The following XKR6 variants were observed in gnomAD, a reference collection of about 807,000 sequenced individuals.
XKR6 encodes XK related 6, also known as XK-related protein 6.
A neutral mutation model predicts 56.7 loss-of-function variants in XKR6; 22 were observed. The observed-to-expected ratio is 0.39, with a 90% confidence interval of 0.28 to 0.55. The LOEUF is 0.55. Ranked by LOEUF, XKR6 falls within the 20% of genes least tolerant of loss-of-function variation. XKR6 has a pLI of 0.66. For missense variants in XKR6, 852 were observed against 889.0 expected (o/e 0.96, Z 0.53); for synonymous variants, 524 against 387.8 (o/e 1.35, Z -4.13).
At chr8:11,086,549 A>C (rs1269368523) in intron 1 of XKR6, among the ~76,000 whole-genome samples, 1 of 152,242 alleles carries the variant, frequency 6.6e-6, no homozygotes, top group Non-Finnish European at 1.5e-5. Context: ...ACATGAAGGC[A>C]ACCCTAGACT....
intron 1 of XKR6, among the ~76,000 whole-genome samples, chr8:10,987,365 A>C (rs1563329682): frequency 6.6e-6 from 1 of 152,200 alleles, no homozygotes; most frequent in Non-Finnish European, 1.5e-5. Context: ...ACAGTTGAGA[A>C]AAATGGGAAG....
intron 2 of XKR6, among the ~76,000 whole-genome samples, chr8:10,899,761 C>T (rs953485803): frequency 3.9e-5 from 6 of 152,194 alleles, no homozygotes; most frequent in African/African-American, 1.4e-4. Context: ...CTGCACTTTA[C>T]TCCCTGCATT....
At chr8:11,194,042 T>C (rs1803730524) in intron 1 of XKR6, among the ~76,000 whole-genome samples, 1 of 152,196 alleles carries the variant, frequency 6.6e-6, no homozygotes, top group South Asian at 2.1e-4. Context: ...AATGAGAATT[T>C]GTTTAATAAG....
chr8:11,055,366 T>C (rs1394999175), intron 1 of XKR6, among the ~76,000 whole-genome samples: 1 of 152,192 alleles, frequency 6.6e-6, no homozygotes, highest in Non-Finnish European at 1.5e-5. Context: ...ACTAAAATCC[T>C]GACCCAGCAG....
intron 1 of XKR6, among the ~76,000 whole-genome samples, chr8:10,989,150 G>C (rs1383416372): frequency 1.3e-5 from 2 of 152,226 alleles, no homozygotes; most frequent in Non-Finnish European, 2.9e-5. Flanking sequence ...TATACAAGGA[G>C]CTGGGTGATG....
intron 1 of XKR6, among the ~76,000 whole-genome samples, chr8:11,165,895 G>C (rs1802046415): frequency 6.6e-6 from 1 of 151,504 alleles, no homozygotes; most frequent in Non-Finnish European, 1.5e-5. Flanking sequence ...TTCTGAAAAA[G>C]CCACGTGCAA....
At chr8:11,187,302 G>A (rs1803324123) in intron 1 of XKR6, among the ~76,000 whole-genome samples, 1 of 152,186 alleles carries the variant, frequency 6.6e-6, no homozygotes, top group South Asian at 2.1e-4. Flanking sequence ...CAAAGCATAA[G>A]AAAGGTAAGA....
At chr8:11,038,528 T>A (rs1799203968) in intron 1 of XKR6, among the ~76,000 whole-genome samples, 1 of 150,912 alleles carries the variant, frequency 6.6e-6, no homozygotes, top group South Asian at 2.1e-4. Flanking sequence ...TGTGTGTGTG[T>A]GTGTGTGTGT....
intron 1 of XKR6, among the ~76,000 whole-genome samples, chr8:11,174,127 C>A (rs1228129076): frequency 1.3e-5 from 2 of 152,222 alleles, no homozygotes; most frequent in East Asian, 3.8e-4. Flanking sequence ...TTAATCCATG[C>A]AACACACTGG....
intron 1 of XKR6, among the ~76,000 whole-genome samples, chr8:11,063,860 G>A (rs186546169): frequency 1.3e-5 from 2 of 152,232 alleles, no homozygotes; most frequent in Admixed American, 6.5e-5. Context: ...GAGGCTACTC[G>A]ACACTGGGAT....
chr8:11,048,263 T>G, intron 1 of XKR6, among the ~76,000 whole-genome samples: 1 of 152,066 alleles, frequency 6.6e-6, no homozygotes, highest in Non-Finnish European at 1.5e-5. Flanking sequence ...CCGGCCCTTG[T>G]TTCTCAACAT....
chr8:11,024,905 C>A (rs1030187369), intron 1 of XKR6, among the ~76,000 whole-genome samples: 3 of 152,232 alleles, frequency 2.0e-5, no homozygotes, highest in African/African-American at 7.2e-5. Flanking sequence ...TGAGACAGCA[C>A]CTGTGACTGG....
intron 1 of XKR6, among the ~76,000 whole-genome samples, chr8:10,966,303 G>A (rs1802220458): frequency 6.6e-6 from 1 of 152,066 alleles, no homozygotes; most frequent in African/African-American, 2.4e-5. Flanking sequence ...GGGAGCCACT[G>A]GTGTATACAG....
intron 1 of XKR6, among the ~76,000 whole-genome samples, chr8:10,969,162 C>T (rs768256205): frequency 9.9e-5 from 15 of 152,142 alleles, no homozygotes; most frequent in Non-Finnish European, 1.5e-4. Flanking sequence ...GCCTGAGAAC[C>T]GGTATTTTTT....
In XKR6 at chr8:10,898,137, C is replaced by G; in HGVS notation, c.1741G>C (p.Glu581Gln). The change falls in exon 3 of 3, where the codon GAA becomes CAA. Residue 581 changes from glutamate to glutamine, a missense_variant. By Grantham distance (29) the Glu-to-Gln change is conservative. Transcript: ENST00000416569. This position sits in a 1 kb window ranked among gnomAD's most constrained non-coding sequence, Gnocchi z 6.6. ...PTPLGRPYLP[E>Q]GPLIKIDMPR... ...ATGTCAATCTTAATGAGGGGCCCTTCTGGGAGGTAAGGACGCCCCAACGGG... is the reference window on the plus strand; with the variant it reads ...ATGTCAATCTTAATGAGGGGCCCTTGTGGGAGGTAAGGACGCCCCAACGGG... The G allele has an allele frequency of 6.2e-7, 1 of 1,614,042 alleles. No homozygotes were observed. The highest frequency in any genetic ancestry group is 1.1e-5 in the South Asian group (1 of 91,070).
intron 1 of XKR6, among the ~76,000 whole-genome samples, chr8:11,070,429 G>C (rs1425936081): frequency 2.0e-5 from 3 of 152,202 alleles, no homozygotes; most frequent in African/African-American, 2.4e-5. Flanking sequence ...TGAGGGTTTA[G>C]GACCTATTTT....
chr8:11,076,439 G>T (rs953269724), intron 1 of XKR6, among the ~76,000 whole-genome samples: 9 of 152,146 alleles, frequency 5.9e-5, no homozygotes, highest in Admixed American at 4.6e-4. Flanking sequence ...TGCCTGTTGG[G>T]TCCCAGCCTG....
chr8:10,951,441 T>C (rs1242615311), intron 1 of XKR6, among the ~76,000 whole-genome samples: 1 of 151,900 alleles, frequency 6.6e-6, no homozygotes, highest in African/African-American at 2.4e-5. Flanking sequence ...GCTGGGAAGG[T>C]GTGAGTGAAG....
intron 1 of XKR6, among the ~76,000 whole-genome samples, chr8:11,023,168 G>C (rs1386784396): frequency 1.3e-5 from 2 of 152,204 alleles, no homozygotes; most frequent in Non-Finnish European, 2.9e-5. Flanking sequence ...TGGAAAGCTG[G>C]GGAGGGCCCT....
Sources: gnomAD v4.1 joint callset for allele counts (sites outside exome capture counted in the v4.1 genomes callset) on GRCh38, gnomAD v4.1.1 for gene constraint, Gnocchi (gnomAD v3.1) non-coding constraint, MANE v1.5 for transcripts, NCBI Gene and HGNC (gene_info 2026-07-23, HGNC 2026-07-21) for gene names.